Variants in PTPRD observed in about 807,000 individuals in gnomAD.
PTPRD encodes the protein protein tyrosine phosphatase receptor type D.
A neutral mutation model predicts 214.5 loss-of-function variants in PTPRD; 34 were observed. That is an observed-to-expected ratio of 0.16 (90% confidence interval 0.12 to 0.21). PTPRD has a LOEUF of 0.21. Among genes scored for constraint, PTPRD ranks in the 10% least tolerant of loss-of-function variants. PTPRD has a pLI of 1.00. For synonymous variants in PTPRD, 1,128 were observed against 845.7 expected (o/e 1.33, Z -5.79); for missense variants, 2,545 against 2,398.7 (o/e 1.06, Z -1.27).
intron 9 of PTPRD, among the ~76,000 whole-genome samples, chr9:9,293,569 T>C (rs1951944865): frequency 6.6e-6 from 1 of 151,576 alleles, no homozygotes; most frequent in Non-Finnish European, 1.5e-5. Flanking sequence ...AATGTGTTCA[T>C]TGCTACTGGT....
At chr9:8,940,834 T>C (rs201162277) in intron 11 of PTPRD, among the ~76,000 whole-genome samples, 2,701 of 136,530 alleles carry the variant, frequency 0.02, 129 homozygotes, top group East Asian at 0.15. Flanking sequence ...TTAGTGATGA[T>C]GATGATGATG....
chr9:8,528,924 C>T (rs2074955811), intron 14 of PTPRD, 145 bp from the exon 15 acceptor site: 1 of 728,456 alleles, frequency 1.4e-6, no homozygotes, highest in South Asian at 1.8e-5. Context: ...AGAACACAGT[C>T]ACAATGCTGC....
intron 2 of PTPRD, among the ~76,000 whole-genome samples, chr9:10,587,807 C>T (rs1019340755): frequency 6.6e-6 from 1 of 151,924 alleles, no homozygotes; most frequent in Admixed American, 6.6e-5. Flanking sequence ...AGTGAAGGGA[C>T]CCATAGAGCT....
chr9:9,503,285 T>G (rs1015647956), intron 8 of PTPRD, among the ~76,000 whole-genome samples: 2 of 12,698 alleles, frequency 1.6e-4, no homozygotes, highest in Admixed American at 9.4e-4. Flanking sequence ...CAAAAAAAGT[T>G]TTTTTTTTTT....
chr9:8,689,838 T>C (rs1434221573), intron 12 of PTPRD, among the ~76,000 whole-genome samples: 1 of 152,178 alleles, frequency 6.6e-6, no homozygotes, highest in African/African-American at 2.4e-5. Flanking sequence ...CCAGGCACAG[T>C]GGTTCATGCC....
In PTPRD at chr9:8,415,590, C is replaced by T. The variant is rs377554558; in HGVS notation, c.4087-10930G>A. On this transcript the variant is annotated intron_variant, in intron 35 of 45. Transcript: ENST00000381196. The stretch of plus-strand genomic sequence containing the variant: ...ATAGACCTATTGTTTGAGTATTACA[C>T]AATTCAACCATGATACGTGTCTCCA... Among the ~76,000 whole-genome samples the T allele has an allele frequency of 1.3e-3, 192 of 151,772 alleles. 1 individual carries two copies. The highest frequency in any genetic ancestry group is 4.5e-3 in the African/African-American group (187 of 41,384).
chr9:9,444,482 T>A (rs141327252), intron 8 of PTPRD, among the ~76,000 whole-genome samples: 134 of 152,330 alleles, frequency 8.8e-4, no homozygotes, highest in African/African-American at 3.0e-3. Context: ...TTTTAGAGTT[T>A]GCAGATGCTC....
intron 8 of PTPRD, among the ~76,000 whole-genome samples, chr9:9,478,436 G>T (rs539447453): frequency 2.0e-4 from 30 of 152,220 alleles, no homozygotes; most frequent in African/African-American, 7.0e-4. Context: ...TTAAATGTGA[G>T]GCATAGTGCT....
intron 8 of PTPRD, among the ~76,000 whole-genome samples, chr9:9,539,575 G>A (rs952307157): frequency 4.0e-5 from 6 of 151,764 alleles, no homozygotes; most frequent in African/African-American, 7.3e-5. Context: ...TTAGAAACAC[G>A]CTGTCTTTAA....
At chr9:10,300,449 A>T (rs534496845) in intron 3 of PTPRD, among the ~76,000 whole-genome samples, 90 of 152,304 alleles carry the variant, frequency 5.9e-4, no homozygotes, top group African/African-American at 2.1e-3. Flanking sequence ...GAAGCCAGAG[A>T]CACAAGTGGT....
chr9:9,333,187 T>A (rs903420643), intron 9 of PTPRD, among the ~76,000 whole-genome samples: 3 of 151,654 alleles, frequency 2.0e-5, no homozygotes, highest in African/African-American at 7.3e-5. Context: ...ACATAGATAA[T>A]CAGAAGAGCA....
At chr9:8,780,818 G>A (rs1467316708) in intron 11 of PTPRD, among the ~76,000 whole-genome samples, 1 of 152,178 alleles carries the variant, frequency 6.6e-6, no homozygotes, top group East Asian at 1.9e-4. Context: ...AAAGGAAGGA[G>A]ATTGTGCCAA....
At position 10,191,858 on chromosome 9, in the gene PTPRD, G is replaced by A. The variant is rs138132267; in HGVS notation, c.-545+149105C>T. Reference sequence around the variant, plus strand: ...TTTCTTTTCTTCTCTATATGACTTCGTCAAAACTACTTAGATGTTTTCTTT... The same window carrying A: ...TTTCTTTTCTTCTCTATATGACTTCATCAAAACTACTTAGATGTTTTCTTT... On this transcript the variant is annotated intron_variant, in intron 3 of 45. Coordinates refer to ENST00000381196, the MANE Select transcript of PTPRD (RefSeq NM_002839.4). Among the ~76,000 whole-genome samples, 773 of 152,112 alleles carry A rather than the reference G, an allele frequency of 5.1e-3. 4 individuals carry two copies. The highest frequency in any genetic ancestry group is 0.017 in the African/African-American group (726 of 41,508).
At chr9:9,639,951 G>A (rs2095882776) in intron 7 of PTPRD, among the ~76,000 whole-genome samples, 1 of 152,130 alleles carries the variant, frequency 6.6e-6, no homozygotes, top group African/African-American at 2.4e-5. Context: ...AGAGTATGAG[G>A]AATTAATTAT....
At chr9:10,528,758 T>TCTTTAATA (rs1566754568) in intron 2 of PTPRD, among the ~76,000 whole-genome samples, 1 of 152,188 alleles carries the variant, frequency 6.6e-6, no homozygotes, top group Non-Finnish European at 1.5e-5. Flanking sequence ...GATTTAACTG[T>TCTTTAATA]GAGTGTCTTT....
At chr9:9,427,177 C>T (rs542355617) in intron 8 of PTPRD, among the ~76,000 whole-genome samples, 26 of 152,216 alleles carry the variant, frequency 1.7e-4, no homozygotes, top group African/African-American at 4.6e-4. Flanking sequence ...AAAGATTAGA[C>T]GAATGGCTGA....
intron 7 of PTPRD, among the ~76,000 whole-genome samples, chr9:9,610,383 C>T (rs2094453708): frequency 6.6e-6 from 1 of 152,162 alleles, no homozygotes; most frequent in African/African-American, 2.4e-5. Context: ...AGAATTAAGA[C>T]TACATTTGCA....
At chr9:9,154,083 G>A (rs1244279849) in intron 10 of PTPRD, among the ~76,000 whole-genome samples, 1 of 152,112 alleles carries the variant, frequency 6.6e-6, no homozygotes, top group Non-Finnish European at 1.5e-5. Context: ...TGATTTGTCT[G>A]CTTGCACTCT....
At chr9:10,123,078 C>T (rs769489530) in intron 3 of PTPRD, among the ~76,000 whole-genome samples, 4 of 152,208 alleles carry the variant, frequency 2.6e-5, no homozygotes, top group Non-Finnish European at 5.9e-5. Context: ...CTAAACAAAG[C>T]ATAGTAAAAA....
Sources: gnomAD v4.1 joint callset for allele counts (sites outside exome capture counted in the v4.1 genomes callset) on GRCh38, gnomAD v4.1.1 for gene constraint, MANE v1.5 for transcripts, NCBI Gene and HGNC (gene_info 2026-07-23, HGNC 2026-07-21) for gene names.